The following IL1RAPL2 variants were observed in gnomAD, a reference collection of about 807,000 sequenced individuals.
IL1RAPL2 encodes the protein interleukin 1 receptor accessory protein like 2, also known as X-linked interleukin-1 receptor accessory protein-like 2.
In IL1RAPL2, 3 loss-of-function variants were observed where a neutral mutation model predicts 44.1. That is an observed-to-expected ratio of 0.07 (90% confidence interval 0.03 to 0.18). The LOEUF (loss-of-function observed/expected upper bound fraction) is 0.18. IL1RAPL2 is among the 10% of genes least tolerant of loss of function. The pLI is 1.00. For synonymous variants in IL1RAPL2, 181 were observed against 178.8 expected (o/e 1.01, Z -0.10); for missense variants, 391 against 496.4 (o/e 0.79, Z 2.02).
intron 2 of IL1RAPL2, among the ~76,000 whole-genome samples, chrX:105,180,264 G>A (rs2033516855): frequency 2.7e-5 from 3 of 110,328 alleles, no homozygotes; most frequent in Admixed American, 9.6e-5. Context: ...TTCAACCCAG[G>A]AGGTGGAGGT....
intron 2 of IL1RAPL2, among the ~76,000 whole-genome samples, chrX:104,733,133 A>G (rs1047836831): frequency 8.9e-6 from 1 of 111,933 alleles, no homozygotes; most frequent in Non-Finnish European, 1.9e-5. Context: ...TTAAAATTAG[A>G]TAAATGTTAT....
Position 105,632,857 on chromosome X carries a change from T to C in IL1RAPL2, c.773-84510T>C, listed in dbSNP as rs755248310. Among the ~76,000 whole-genome samples the C allele has an allele frequency of 2.7e-5, 3 of 112,014 alleles. No homozygotes were observed. The South Asian group carries it at 1.1e-3, about 42-fold the overall frequency. ...CATTTAAGACAAATCTAATCATGCA[T>C]GCCAGTTCTCAACGAGGTGAGTTTC... On this transcript the variant is annotated intron_variant, in intron 6 of 10. Transcript: ENST00000372582.
At chrX:105,246,743 A>T (rs890418128) in intron 4 of IL1RAPL2, among the ~76,000 whole-genome samples, 3 of 111,830 alleles carry the variant, frequency 2.7e-5, no homozygotes, top group Non-Finnish European at 5.6e-5. Context: ...AAGTTTTAAG[A>T]CTAAGGGGGC....
At chrX:104,574,424 T>C (rs1229627304) in intron 1 of IL1RAPL2, among the ~76,000 whole-genome samples, 2 of 110,700 alleles carry the variant, frequency 1.8e-5, no homozygotes, top group Non-Finnish European at 3.8e-5. Context: ...TAAAACATGG[T>C]TTTGGCAAAC....
intron 6 of IL1RAPL2, among the ~76,000 whole-genome samples, chrX:105,677,447 C>G (rs933837125): frequency 4.4e-5 from 5 of 112,372 alleles, no homozygotes; most frequent in Admixed American, 9.5e-5. Context: ...TACTCCTAAT[C>G]ACCAGGCTCT....
intron 1 of IL1RAPL2, among the ~76,000 whole-genome samples, chrX:104,582,874 C>CTTT (rs1201800775): frequency 1.9e-3 from 32 of 16,500 alleles, no homozygotes; most frequent in African/African-American, 9.0e-3. Context: ...CTTTCTTTTT[C>CTTT]TTTTCTTTTC....
intron 5 of IL1RAPL2, among the ~76,000 whole-genome samples, chrX:105,371,161 C>T (rs2035336485): frequency 1.8e-5 from 2 of 112,152 alleles, no homozygotes; most frequent in African/African-American, 6.5e-5. Flanking sequence ...TTTGCAAATA[C>T]TTCCTCCCAT....
chrX:104,765,376 G>A (rs1019256752), intron 2 of IL1RAPL2, among the ~76,000 whole-genome samples: 6 of 111,702 alleles, frequency 5.4e-5, no homozygotes, highest in African/African-American at 2.0e-4. Context: ...ATATTGGTCT[G>A]AATTTTAAAA....
intron 6 of IL1RAPL2, among the ~76,000 whole-genome samples, chrX:105,710,779 T>G (rs139402069): frequency 0.051 from 5,600 of 109,251 alleles, 392 homozygotes; most frequent in African/African-American, 0.18. Context: ...TCATTCAGTT[T>G]GTTTGAGATA....
chrX:104,597,963 G>A (rs1928799040), intron 1 of IL1RAPL2, among the ~76,000 whole-genome samples: 1 of 111,878 alleles, frequency 8.9e-6, no homozygotes, highest in Admixed American at 9.5e-5. Context: ...TATTCTTTTT[G>A]TCTATAAATT....
intron 3 of IL1RAPL2, among the ~76,000 whole-genome samples, chrX:105,221,279 A>G (rs2033960032): frequency 9.0e-6 from 1 of 111,001 alleles, no homozygotes; most frequent in Non-Finnish European, 1.9e-5. Flanking sequence ...CAAACTCCCA[A>G]TCTAGATTCA....
intron 6 of IL1RAPL2, among the ~76,000 whole-genome samples, chrX:105,615,848 G>A (rs755239808): frequency 1.8e-5 from 2 of 112,236 alleles, no homozygotes; most frequent in Non-Finnish European, 3.8e-5. Flanking sequence ...TGTTTGTAAT[G>A]CAAAGGATAA....
intron 3 of IL1RAPL2, among the ~76,000 whole-genome samples, chrX:105,225,569 A>T (rs1408997020): frequency 9.0e-6 from 1 of 111,651 alleles, no homozygotes; most frequent in Non-Finnish European, 1.9e-5. Flanking sequence ...TTAGGAGAGA[A>T]TTCTCCATGG....
chrX:104,983,555 CATATT>C lies in IL1RAPL2; in HGVS notation c.83-211915_83-211911del, dbSNP rs1290663463. ...ATATTATATAATATTATATTATAGA[CATATT>C]ATATATTATATTATAGACATAATAT... On this transcript the variant is annotated intron_variant, in intron 2 of 10. Transcript: ENST00000372582. 7.3e-3 allele frequency among the ~76,000 whole-genome samples: 655 copies of C among 89,583 alleles called. 9 individuals carry two copies. The highest frequency in any genetic ancestry group is 0.025 in the African/African-American group (594 of 23,889). The allele number at this position is 89,583 out of a possible 115,157, so 77.8% of individuals were successfully genotyped here. A position where few individuals can be genotyped will look rare whatever the true frequency, so the allele number is the denominator to read the frequency against.
At chrX:105,714,426 C>T (rs751457647) in intron 6 of IL1RAPL2, among the ~76,000 whole-genome samples, 7 of 111,805 alleles carry the variant, frequency 6.3e-5, no homozygotes, top group Admixed American at 9.5e-5. Flanking sequence ...ACCCCACTCT[C>T]GGTACCAATT....
intron 2 of IL1RAPL2, among the ~76,000 whole-genome samples, chrX:104,734,339 G>C (rs1931975864): frequency 8.9e-6 from 1 of 112,262 alleles, no homozygotes; most frequent in Non-Finnish European, 1.9e-5. Flanking sequence ...ACACAAACCT[G>C]CATATGAATG....
At chrX:104,584,257 A>G (rs1928465359) in intron 1 of IL1RAPL2, among the ~76,000 whole-genome samples, 1 of 111,249 alleles carries the variant, frequency 9.0e-6, no homozygotes, top group Non-Finnish European at 1.9e-5. Flanking sequence ...TGGGGAAGGG[A>G]CATGCTCAAG....
intron 5 of IL1RAPL2, among the ~76,000 whole-genome samples, chrX:105,367,258 A>G (rs746166084): frequency 9.0e-6 from 1 of 111,566 alleles, no homozygotes; most frequent in South Asian, 3.7e-4. Context: ...GCATGTAGTT[A>G]GTTCTTGTTT....
intron 2 of IL1RAPL2, among the ~76,000 whole-genome samples, chrX:104,783,718 A>G (rs73245706): frequency 1.2e-3 from 130 of 108,017 alleles, no homozygotes; most frequent in Non-Finnish European, 2.1e-3. Context: ...CTCCACTTTG[A>G]CAGCTCTGTA....
Sources: allele counts gnomAD v4.1 joint callset (sites outside exome capture counted in the v4.1 genomes callset), GRCh38; gene constraint gnomAD v4.1.1; transcripts MANE v1.5; gene names NCBI Gene and HGNC (gene_info 2026-07-23, HGNC 2026-07-21).